TMEM25: variants seen among roughly 807,000 people sequenced by gnomAD.
TMEM25 encodes transmembrane protein 25.
In TMEM25, 36 loss-of-function variants were observed where a neutral mutation model predicts 37.0. That is an observed-to-expected ratio of 0.97 (90% CI 0.75 to 1.28). The LOEUF is 1.28. Among genes scored for constraint, TMEM25 ranks in the 50% most tolerant of loss-of-function variants. TMEM25 has a pLI of 0.00. For missense variants in TMEM25, 444 were observed against 477.9 expected (o/e 0.93, Z 0.66); for synonymous variants, 197 against 203.7 (o/e 0.97, Z 0.28).
chr11:118,544,870 G>A, intron 8 of TMEM25: 1 of 1,361,966 alleles, frequency 7.3e-7, no homozygotes, highest in Non-Finnish European at 1.0e-6. Context: ...TCTCAGCTGG[G>A]GCAGAGGGGC....
At chr11:118,541,482 A>AAAG (rs1429223962) in intron 8 of TMEM25, among the ~76,000 whole-genome samples, 1 of 149,382 alleles carries the variant, frequency 6.7e-6, no homozygotes, top group Non-Finnish European at 1.5e-5. Context: ...AAAAAAAAGA[A>AAAG]AAAGAAACTT....
rs575338722 is a variant in TMEM25, at chr11:118,541,500, C to T, written c.1028-4619C>T. 6.1e-5 allele frequency among the ~76,000 whole-genome samples: 9 copies of T among 148,276 alleles called. No homozygotes were observed. In the East Asian group the frequency reaches 1.8e-3, roughly 29 times the overall value. On this transcript the variant is annotated intron_variant, in intron 8 of 8. Coordinates refer to the TMEM25 transcript ENST00000354284. Reference sequence around the variant, plus strand: ...AAAAAGAAAAAGAAACTTCACCTAACAAAAGAAGAATGTCTTAGTCCATTT... The same window carrying T: ...AAAAAGAAAAAGAAACTTCACCTAATAAAAGAAGAATGTCTTAGTCCATTT...
rs965324328 is a variant in TMEM25 at position 118,532,457 on chromosome 11, G to A, written c.378G>A (p.Val126=). ...CCAACGCCTCTGTCATCCTTAATGT[G>A]CAATGTGAGTGGCCCTGAGGTGGGC... ...RSANASVILN[V]QFKPEIAQVG... is the part of the protein sequence containing the mutation. Residue 126 remains valine (V), a synonymous_variant, in exon 3 of 9, where the codon GTG becomes GTA. Coordinates refer to ENST00000313236, the MANE Select transcript of TMEM25 (RefSeq NM_032780.4). 1 of 1,610,538 alleles carries A rather than the reference G, an allele frequency of 6.2e-7. No individual in the cohort carries two copies. The highest frequency in any genetic ancestry group is 1.7e-5 in the Admixed American group (1 of 59,916).
intron 8 of TMEM25, among the ~76,000 whole-genome samples, chr11:118,543,351 T>C (rs2135449183): frequency 6.6e-6 from 1 of 152,264 alleles, no homozygotes; most frequent in African/African-American, 2.4e-5. Context: ...TTTGTTTTGT[T>C]TTGTTTTTTT....
rs1425829654 is a variant in TMEM25, at chr11:118,535,638, G to A, written c.*1058G>A. On this transcript the variant is annotated 3_prime_UTR_variant, in exon 9 of 9. Coordinates refer to ENST00000313236, the MANE Select transcript of TMEM25 (RefSeq NM_032780.4). ...CAGTGTGGAAGCTTTAGGGGAACAT[G>A]GAGAAAGAAGGAGACCACATACCCC... The A allele has an allele frequency of 2.4e-5, 36 of 1,521,424 alleles. No individual in the cohort carries two copies. Among genetic ancestry groups the A allele is most frequent in the Non-Finnish European group, 3.2e-5 (36 of 1,136,240 alleles). The allele number at this position is 1,521,424 out of a possible 1,614,324, so 94.2% of individuals were successfully genotyped here.
In TMEM25 at chr11:118,534,327, G is replaced by A. The variant is rs201232329; in HGVS notation, c.999G>A (p.Pro333=). The A allele has an allele frequency of 3.5e-5, 57 of 1,614,034 alleles. No individual in the cohort carries two copies. In the African/African-American group the frequency reaches 5.9e-4, roughly 17 times the overall value. The change falls in exon 8 of 9, where the codon CCG becomes CCA. Residue 333 remains proline, a synonymous_variant. Transcript: ENST00000313236. This position sits in a 1 kb window ranked among gnomAD's most constrained non-coding sequence, Gnocchi z 4.6. ...ACAGCCGGCCAGAGCTTCTGGACCCGGAGCCCGGCGGCCTCCTCACCAGCC... is the reference window on the plus strand; with the variant it reads ...ACAGCCGGCCAGAGCTTCTGGACCCAGAGCCCGGCGGCCTCCTCACCAGCC... ...QNNSRPELLD[P]EPGGLLTSQG...
At chr11:118,536,981 C>T (rs1951518510), downstream of TMEM25, among the ~76,000 whole-genome samples, 1 of 152,074 alleles carries the variant, frequency 6.6e-6, no homozygotes, top group Non-Finnish European at 1.5e-5. Flanking sequence ...TTCAAGGGAT[C>T]CTCCCACCTC....
downstream of TMEM25, among the ~76,000 whole-genome samples, chr11:118,537,355 G>A (rs1360133276): frequency 7.9e-5 from 12 of 151,672 alleles, no homozygotes; most frequent in Admixed American, 3.3e-4. Flanking sequence ...AAAAAAATTC[G>A]TAGAGACAGG....
chr11:118,546,806 T>A (rs918874161), downstream of TMEM25: 8 of 152,252 alleles, frequency 5.3e-5, no homozygotes, highest in African/African-American at 1.9e-4. Flanking sequence ...CTTGGTGTTA[T>A]AATGCCTAAT....
chr11:118,541,732 T>C (rs1265577896), intron 8 of TMEM25, among the ~76,000 whole-genome samples: 2 of 152,068 alleles, frequency 1.3e-5, no homozygotes, highest in Non-Finnish European at 2.9e-5. Context: ...TTTATGTCCA[T>C]GTGTGCTCCA....
Position 118,533,154 on chromosome 11 carries a change from C to A in TMEM25, c.620C>A (p.Ser207Ter). The change falls in exon 4 of 9, where the codon TCG (serine) becomes TAG (stop). Residue 207 changes from serine (S) to a stop codon, truncating the protein, a stop_gained. Coordinates refer to ENST00000313236, the MANE Select transcript of TMEM25 (RefSeq NM_032780.4). LOFTEE classifies it high-confidence loss of function. ...LQLRSLAHNL[S>*]VVATNDVGVT... Reference sequence around the variant, plus strand: ...CTCCGCAGCCTGGCACACAACCTCTCGGTGGTGGCCACCAATGACGTGGGT... The same window carrying A: ...CTCCGCAGCCTGGCACACAACCTCTAGGTGGTGGCCACCAATGACGTGGGT... The A allele has an allele frequency of 6.2e-7, 1 of 1,608,220 alleles. No homozygotes were observed. Among genetic ancestry groups the A allele is most frequent in the South Asian group, 1.1e-5 (1 of 90,972 alleles).
At chr11:118,544,046 G>A (rs1951619688) in intron 8 of TMEM25, among the ~76,000 whole-genome samples, 1 of 152,136 alleles carries the variant, frequency 6.6e-6, no homozygotes, top group Non-Finnish European at 1.5e-5. Flanking sequence ...CTGACCACAT[G>A]ATCTGCCTGC....
Position 118,534,957 on chromosome 11 carries a change from CA to C in TMEM25, c.*378del. The C allele has an allele frequency of 9.1e-7, 1 of 1,095,726 alleles. No individual in the cohort carries two copies. Among genetic ancestry groups the C allele is most frequent in the South Asian group, 3.0e-5 (1 of 33,886 alleles). 67.9% of individuals were successfully genotyped at this position (1,095,726 alleles called of 1,614,324 possible). A position where few individuals can be genotyped will look rare whatever the true frequency, so the allele number is the denominator to read the frequency against. The stretch of plus-strand genomic sequence containing the variant: ...CCCCAGTACTCCACAGCACCTTGTA[CA>C]GTAGGCATGGGGGCGTGCCTGTGTG... On this transcript the variant is annotated 3_prime_UTR_variant, in exon 9 of 9. Transcript: ENST00000313236. The surrounding 1 kb of genome is among the most constrained non-coding windows in gnomAD (Gnocchi z 4.6).
At chr11:118,545,501 CGAAGAA>C in intron 8 of TMEM25, 1 of 1,607,622 alleles carries the variant, frequency 6.2e-7, no homozygotes, top group Non-Finnish European at 8.5e-7. Flanking sequence ...ATGGCTGAAA[CGAAGAA>C]GAACTTCCAG....
chr11:118,545,184 T>A (rs1407598942), intron 8 of TMEM25, among the ~76,000 whole-genome samples: 1 of 152,048 alleles, frequency 6.6e-6, no homozygotes, highest in Admixed American at 6.6e-5. Flanking sequence ...CCTGATTTCA[T>A]CTAAGGCCCA....
In TMEM25 at chr11:118,534,829, G is replaced by C; in HGVS notation, c.*249G>C. The C allele has an allele frequency of 1.5e-6, 2 of 1,361,622 alleles. No homozygotes were observed. The highest frequency in any genetic ancestry group is 1.9e-6 in the Non-Finnish European group (2 of 1,054,492). 84.3% of individuals were successfully genotyped at this position (1,361,622 alleles called of 1,614,324 possible). On this transcript the variant is annotated 3_prime_UTR_variant, in exon 9 of 9. Coordinates refer to ENST00000313236, the MANE Select transcript of TMEM25 (RefSeq NM_032780.4). This position sits in a 1 kb window ranked among gnomAD's most constrained non-coding sequence, Gnocchi z 4.6. The stretch of plus-strand genomic sequence containing the variant: ...AGCCCCTCATGCTGACTCAGGGTGG[G>C]CCCTGCATGTGATGACTGGGCCCTT...
chr11:118,534,527 C>G lies in TMEM25; in HGVS notation c.1048C>G (p.Leu350Val). The change falls in exon 9 of 9, where the codon CTG (leucine) becomes GTG (valine). Residue 350 changes from leucine (L) to valine (V), a missense_variant. Physicochemically the swap from Leu to Val is conservative, Grantham distance 32 (BLOSUM62 1). Transcript: ENST00000313236. The surrounding 1 kb of genome is among the most constrained non-coding windows in gnomAD (Gnocchi z 4.6). ...TSQGFIRLPV[L>V]GYIYRVSSVS... ...CGCAGGTTTCATCCGCCTCCCAGTG[C>G]TGGGCTATATCTATCGAGTGTCCAG... The G allele has an allele frequency of 6.2e-7, 1 of 1,614,218 alleles. No individual in the cohort carries two copies. Among genetic ancestry groups the G allele is most frequent in the Non-Finnish European group, 8.5e-7 (1 of 1,180,036 alleles).
chr11:118,535,080 C>T lies in TMEM25; in HGVS notation c.*500C>T. On this transcript the variant is annotated 3_prime_UTR_variant, in exon 9 of 9. Coordinates refer to ENST00000313236, the MANE Select transcript of TMEM25 (RefSeq NM_032780.4). ...TTAGGACCCTGCTAGCTGTGCAGAA[C>T]CCAATTGCCCTTTGCACAGAAACCA... 1 of 1,021,590 alleles carries T rather than the reference C, an allele frequency of 9.8e-7. No homozygotes were observed. Among genetic ancestry groups the T allele is most frequent in the Non-Finnish European group, 1.2e-6 (1 of 852,810 alleles). 63.3% of individuals were successfully genotyped at this position (1,021,590 alleles called of 1,614,324 possible).
At chr11:118,537,464 T>C (rs1314184578), downstream of TMEM25, among the ~76,000 whole-genome samples, 1 of 152,222 alleles carries the variant, frequency 6.6e-6, no homozygotes, top group African/African-American at 2.4e-5. Flanking sequence ...AATACACTTT[T>C]GTTAACTATA....
Sources: allele counts gnomAD v4.1 joint callset (sites outside exome capture counted in the v4.1 genomes callset), GRCh38; gene constraint gnomAD v4.1.1; non-coding constraint Gnocchi (gnomAD v3.1); transcripts MANE v1.5; gene names NCBI Gene and HGNC (gene_info 2026-07-23, HGNC 2026-07-21).